LCLAT1: variants seen among roughly 807,000 people sequenced by gnomAD.
LCLAT1 encodes the protein 1-AGP acyltransferase 8.
Under a neutral mutation model 30.7 loss-of-function variants are expected in LCLAT1, and 11 were observed. The observed-to-expected ratio is 0.36, with a 90% confidence interval of 0.23 to 0.59. The LOEUF (loss-of-function observed/expected upper bound fraction) is 0.59, where lower values mean the gene tolerates loss of function less well. Ranked by LOEUF, LCLAT1 falls within the 20% of genes least tolerant of loss-of-function variation. LCLAT1 has a pLI of 0.77. For missense variants in LCLAT1, 402 were observed against 458.6 expected (o/e 0.88, Z 1.13); for synonymous variants, 155 against 151.3 (o/e 1.02, Z -0.18).
Position 30,534,347 on chromosome 2 carries a change from G to A in LCLAT1, c.364+1033G>A, listed in dbSNP as rs549682805. Among the ~76,000 whole-genome samples the A allele has an allele frequency of 1.5e-3, 229 of 151,232 alleles. 1 individual carries two copies. Among genetic ancestry groups the A allele is most frequent in the African/African-American group, 5.3e-3 (220 of 41,264 alleles). ...GCAATCTGGGCTCACTGCAAGCTCC[G>A]GCTCACTGCAAGCTCCACCTCGCAG... On this transcript the variant is annotated intron_variant, in intron 3 of 5. Coordinates refer to ENST00000379509, the MANE Select transcript of LCLAT1 (RefSeq NM_001002257.3).
intron 3 of LCLAT1, among the ~76,000 whole-genome samples, chr2:30,549,706 G>T (rs2148421579): frequency 6.6e-6 from 1 of 152,254 alleles, no homozygotes; most frequent in Middle Eastern, 3.4e-3. Flanking sequence ...TTGTCTTGGG[G>T]CTAAGTATCT....
intron 1 of LCLAT1, among the ~76,000 whole-genome samples, chr2:30,460,328 A>T (rs1011230050): frequency 6.6e-6 from 1 of 152,130 alleles, no homozygotes; most frequent in African/African-American, 2.4e-5. Context: ...TCTCAATCCC[A>T]TATTCAGTTA....
intron 2 of LCLAT1, among the ~76,000 whole-genome samples, chr2:30,527,818 A>G (rs1245351346): frequency 6.6e-6 from 1 of 152,176 alleles, no homozygotes; most frequent in Non-Finnish European, 1.5e-5. Context: ...GTATTATATT[A>G]ATTTTAGTTT....
intron 5 of LCLAT1, among the ~76,000 whole-genome samples, chr2:30,611,661 G>A (rs1451227363): frequency 6.6e-6 from 1 of 152,114 alleles, no homozygotes; most frequent in Non-Finnish European, 1.5e-5. Flanking sequence ...GGAAGCTGAG[G>A]GATAACAGGC....
chr2:30,565,977 G>C (rs539967303), intron 4 of LCLAT1, among the ~76,000 whole-genome samples: 177 of 152,308 alleles, frequency 1.2e-3, no homozygotes, highest in African/African-American at 4.0e-3. Flanking sequence ...AACATGCCCA[G>C]CTGGTTTGAG....
intron 1 of LCLAT1, among the ~76,000 whole-genome samples, chr2:30,496,948 G>A (rs535347037): frequency 6.6e-6 from 1 of 152,284 alleles, no homozygotes; most frequent in East Asian, 1.9e-4. Flanking sequence ...TTCTGGAAGA[G>A]CATACAACTC....
At chr2:30,506,663 G>T (rs1216219935) in intron 1 of LCLAT1, among the ~76,000 whole-genome samples, 2 of 152,068 alleles carry the variant, frequency 1.3e-5, no homozygotes, top group African/African-American at 4.8e-5. Context: ...GTTCTCATTG[G>T]GGGAATAAAG....
chr2:30,526,716 G>A (rs528116714), intron 2 of LCLAT1, among the ~76,000 whole-genome samples: 2 of 152,230 alleles, frequency 1.3e-5, no homozygotes, highest in Admixed American at 6.5e-5. Context: ...CTAGCATTTT[G>A]CTAGGATGCA....
chr2:30,620,035 G>C (rs13383939), intron 5 of LCLAT1, among the ~76,000 whole-genome samples: 1 of 151,924 alleles, frequency 6.6e-6, no homozygotes, highest in African/African-American at 2.4e-5. Flanking sequence ...GGCAACATTC[G>C]TTGATCACTT....
chr2:30,452,859 T>A (rs985561528), intron 1 of LCLAT1, among the ~76,000 whole-genome samples: 2 of 152,052 alleles, frequency 1.3e-5, no homozygotes, highest in African/African-American at 2.4e-5. Context: ...TATTCACACC[T>A]TTACCTTGTC....
intron 1 of LCLAT1, among the ~76,000 whole-genome samples, chr2:30,478,430 C>T (rs1468966528): frequency 6.6e-6 from 1 of 152,104 alleles, no homozygotes; most frequent in Non-Finnish European, 1.5e-5. Context: ...GGTAGAATTC[C>T]CAATTTGGTA....
chr2:30,456,597 G>A (rs1007287815), intron 1 of LCLAT1, among the ~76,000 whole-genome samples: 1 of 152,176 alleles, frequency 6.6e-6, no homozygotes, highest in Non-Finnish European at 1.5e-5. Flanking sequence ...GATATTGGCT[G>A]GAGGGCATGT....
intron 1 of LCLAT1, among the ~76,000 whole-genome samples, chr2:30,485,305 T>C (rs1282635160): frequency 6.6e-6 from 1 of 152,174 alleles, no homozygotes; most frequent in Non-Finnish European, 1.5e-5. Flanking sequence ...TATTTGGAAC[T>C]TAATGAAGCA....
chr2:30,577,439 A>G (rs1377688001), intron 5 of LCLAT1, among the ~76,000 whole-genome samples: 5 of 152,098 alleles, frequency 3.3e-5, no homozygotes, highest in African/African-American at 4.8e-5. Context: ...TGGTAAGATT[A>G]CTGATGTTGA....
At chr2:30,556,036 C>T (rs1028927660) in intron 3 of LCLAT1, among the ~76,000 whole-genome samples, 1 of 151,772 alleles carries the variant, frequency 6.6e-6, no homozygotes, top group African/African-American at 2.4e-5. Context: ...CCTTGTGATC[C>T]GCCCACCTCG....
intron 5 of LCLAT1, among the ~76,000 whole-genome samples, chr2:30,589,843 C>A (rs746510361): frequency 2.2e-4 from 33 of 152,146 alleles, no homozygotes; most frequent in African/African-American, 7.5e-4. Context: ...GCTGCTGCTC[C>A]TACTCATGTC....
chr2:30,524,605 C>A (rs1030633974), intron 1 of LCLAT1, among the ~76,000 whole-genome samples: 5 of 152,192 alleles, frequency 3.3e-5, no homozygotes, highest in Non-Finnish European at 5.9e-5. Flanking sequence ...CTCGTCGCAT[C>A]CAGGACGTGA....
intron 3 of LCLAT1, among the ~76,000 whole-genome samples, chr2:30,561,622 T>C (rs187067052): frequency 1.3e-5 from 2 of 152,308 alleles, no homozygotes; most frequent in Admixed American, 6.5e-5. Flanking sequence ...TTGCACAATT[T>C]CCCTTTTCTT....
intron 1 of LCLAT1, among the ~76,000 whole-genome samples, chr2:30,448,251 A>G (rs1036356455): frequency 1.3e-5 from 2 of 152,256 alleles, no homozygotes; most frequent in African/African-American, 4.8e-5. Context: ...TGAAATATTT[A>G]TTCATATCAT....
Sources: gnomAD v4.1 joint callset for allele counts (sites outside exome capture counted in the v4.1 genomes callset) on GRCh38, gnomAD v4.1.1 for gene constraint, MANE v1.5 for transcripts, NCBI Gene and HGNC (gene_info 2026-07-23, HGNC 2026-07-21) for gene names.